Variants in SGCZ observed in about 807,000 individuals in gnomAD.
SGCZ encodes the protein sarcoglycan zeta.
A neutral mutation model predicts 41.3 loss-of-function variants in SGCZ; 40 were observed. The ratio of observed to expected loss-of-function variants is 0.97; its 90% CI spans 0.75 to 1.26. SGCZ has a LOEUF of 1.26. SGCZ is among the 50% of genes most tolerant of loss of function. The probability of loss-of-function intolerance (pLI) is 0.00; values close to 1 mark genes in which losing one functional copy is unlikely to be tolerated. For synonymous variants in SGCZ, 206 were observed against 137.5 expected (o/e 1.50, Z -3.49); for missense variants, 552 against 369.8 (o/e 1.49, Z -4.04).
chr8:14,891,424 C>T (rs1211159342), intron 1 of SGCZ, among the ~76,000 whole-genome samples: 2 of 152,082 alleles, frequency 1.3e-5, no homozygotes, highest in East Asian at 1.9e-4. Flanking sequence ...GTAGAAAATG[C>T]AAAATAACTA....
chr8:14,438,273 A>G (rs1800148800), intron 2 of SGCZ, among the ~76,000 whole-genome samples: 1 of 152,046 alleles, frequency 6.6e-6, no homozygotes, highest in Non-Finnish European at 1.5e-5. Context: ...CTTATTTTAT[A>G]TATTCATAAT....
chr8:14,707,828 G>C (rs1256385530), intron 1 of SGCZ, among the ~76,000 whole-genome samples: 1 of 151,966 alleles, frequency 6.6e-6, no homozygotes, highest in Non-Finnish European at 1.5e-5. Flanking sequence ...ATTAATTTTT[G>C]ACACAATTGA....
intron 2 of SGCZ, among the ~76,000 whole-genome samples, chr8:14,494,240 T>G (rs1801925019): frequency 6.6e-6 from 1 of 152,114 alleles, no homozygotes; most frequent in African/African-American, 2.4e-5. Flanking sequence ...ATAAAGAGAC[T>G]TCAGAGCCTG....
chr8:14,923,282 A>G (rs1189694161), intron 1 of SGCZ, among the ~76,000 whole-genome samples: 1 of 152,130 alleles, frequency 6.6e-6, no homozygotes, highest in East Asian at 1.9e-4. Context: ...GCTATTATCT[A>G]TTTCAATATT....
At chr8:14,622,001 A>G (rs1806302796) in intron 1 of SGCZ, among the ~76,000 whole-genome samples, 1 of 152,068 alleles carries the variant, frequency 6.6e-6, no homozygotes, top group African/African-American at 2.4e-5. Context: ...TTTGTGCTCT[A>G]CAGATACAAA....
intron 1 of SGCZ, among the ~76,000 whole-genome samples, chr8:15,091,581 G>C: frequency 6.6e-6 from 1 of 152,028 alleles, no homozygotes; most frequent in East Asian, 1.9e-4. Context: ...TGTTAAAAGT[G>C]GAAATTCAAA....
intron 2 of SGCZ, among the ~76,000 whole-genome samples, chr8:14,547,934 A>C (rs1430058790): frequency 1.3e-5 from 2 of 152,144 alleles, no homozygotes; most frequent in African/African-American, 4.8e-5. Context: ...TTATGTGTCT[A>C]GGATTGTTTT....
chr8:14,919,959 A>G (rs575098572), intron 1 of SGCZ, among the ~76,000 whole-genome samples: 1 of 152,272 alleles, frequency 6.6e-6, no homozygotes, highest in East Asian at 1.9e-4. Context: ...ACTATTAGCA[A>G]TAATTACTGC....
intron 1 of SGCZ, among the ~76,000 whole-genome samples, chr8:14,611,494 A>T (rs1213934563): frequency 1.3e-5 from 2 of 152,188 alleles, no homozygotes; most frequent in Admixed American, 1.3e-4. Flanking sequence ...AAGTTATACA[A>T]ATCAATAATC....
At chr8:14,609,504 T>G (rs1453939325) in intron 1 of SGCZ, among the ~76,000 whole-genome samples, 1 of 152,200 alleles carries the variant, frequency 6.6e-6, no homozygotes, top group Non-Finnish European at 1.5e-5. Context: ...TGAAAAGTAC[T>G]GCATGAAAAA....
At chr8:14,974,674 T>C (rs1421328848) in intron 1 of SGCZ, among the ~76,000 whole-genome samples, 1 of 152,158 alleles carries the variant, frequency 6.6e-6, no homozygotes, top group Non-Finnish European at 1.5e-5. Flanking sequence ...ACCGCTGCAC[T>C]GAACTCTGTA....
At chr8:14,232,112 C>A (rs1173743053) in intron 4 of SGCZ, among the ~76,000 whole-genome samples, 1 of 146,508 alleles carries the variant, frequency 6.8e-6, no homozygotes, top group African/African-American at 2.5e-5. Flanking sequence ...GACCAATTTT[C>A]TAATCAAACA....
At chr8:14,915,856 C>A (rs1461128735) in intron 1 of SGCZ, among the ~76,000 whole-genome samples, 1 of 152,116 alleles carries the variant, frequency 6.6e-6, no homozygotes, top group East Asian at 1.9e-4. Flanking sequence ...CATGTGTCTG[C>A]GTCCTGAATT....
chr8:14,415,139 CT>C (rs1453488592), intron 2 of SGCZ, among the ~76,000 whole-genome samples: 2 of 151,770 alleles, frequency 1.3e-5, no homozygotes, highest in East Asian at 3.9e-4. Context: ...AGAAATACCC[CT>C]TGATTCATTG....
At chr8:15,124,699 C>A (rs542549111) in intron 1 of SGCZ, among the ~76,000 whole-genome samples, 42 of 152,192 alleles carry the variant, frequency 2.8e-4, no homozygotes, top group African/African-American at 1.0e-3. Context: ...CCATGCCAAC[C>A]TAATTTTTTA....
intron 1 of SGCZ, among the ~76,000 whole-genome samples, chr8:14,785,381 G>T (rs1800735938): frequency 6.6e-6 from 1 of 152,052 alleles, no homozygotes; most frequent in African/African-American, 2.4e-5. Flanking sequence ...ACCCAAGTTT[G>T]CAAGGAAACT....
chr8:14,322,722 G>T (rs1274231729), intron 3 of SGCZ, among the ~76,000 whole-genome samples: 2 of 152,062 alleles, frequency 1.3e-5, no homozygotes, highest in African/African-American at 4.8e-5. Context: ...TTTGGCCTAT[G>T]CTTAGTTTCA....
intron 1 of SGCZ, among the ~76,000 whole-genome samples, chr8:15,131,200 C>T (rs368139853): frequency 1.3e-5 from 2 of 152,124 alleles, no homozygotes; most frequent in South Asian, 4.1e-4. Flanking sequence ...ATTGTAGCTG[C>T]CAGGATTCTC....
intron 1 of SGCZ, among the ~76,000 whole-genome samples, chr8:14,983,400 G>A (rs1212361654): frequency 6.6e-6 from 1 of 151,616 alleles, no homozygotes; most frequent in Non-Finnish European, 1.5e-5. Context: ...ATTTTTTGGA[G>A]ACAAAGTCTC....
Sources: allele counts gnomAD v4.1 joint callset (sites outside exome capture counted in the v4.1 genomes callset), GRCh38; gene constraint gnomAD v4.1.1; transcripts MANE v1.5; gene names NCBI Gene and HGNC (gene_info 2026-07-23, HGNC 2026-07-21).